Variants in ADGRB3 observed in about 807,000 individuals in gnomAD.
The protein encoded by ADGRB3 is brain-specific angiogenesis inhibitor 3.
ADGRB3 carries 37 observed loss-of-function variants against 193.4 expected under a neutral mutation model. That is an observed-to-expected ratio of 0.19 (90% CI 0.15 to 0.25). ADGRB3 has a LOEUF of 0.25. ADGRB3 is among the 10% of genes least tolerant of loss of function. The probability of loss-of-function intolerance (pLI) is 1.00; values close to 1 mark genes in which losing one functional copy is unlikely to be tolerated. For synonymous variants in ADGRB3, 690 were observed against 644.2 expected, an observed-to-expected ratio of 1.07 and a Z score of -1.08; for missense variants, 1,637 against 1,852.9, an observed-to-expected ratio of 0.88 and a Z score of 2.14.
At chr6:68,858,113 G>A (rs1437670583) in intron 3 of ADGRB3, among the ~76,000 whole-genome samples, 1 of 152,066 alleles carries the variant, frequency 6.6e-6, no homozygotes, top group East Asian at 1.9e-4. Context: ...CCAAGTTTTT[G>A]GTATGTCTTT....
At chr6:69,008,746 G>A (rs181543924) in intron 11 of ADGRB3, among the ~76,000 whole-genome samples, 2 of 152,106 alleles carry the variant, frequency 1.3e-5, no homozygotes, top group African/African-American at 4.8e-5. Context: ...AAGGACCAGG[G>A]TTGAATATCC....
chr6:68,781,395 A>T (rs1022823942), intron 3 of ADGRB3, among the ~76,000 whole-genome samples: 1 of 152,164 alleles, frequency 6.6e-6, no homozygotes, highest in East Asian at 1.9e-4. Context: ...AATTAAAAAT[A>T]TGAAGAACAA....
intron 3 of ADGRB3, among the ~76,000 whole-genome samples, chr6:68,678,521 T>A (rs184354094): frequency 1.7e-4 from 26 of 152,082 alleles, no homozygotes; most frequent in Admixed American, 3.3e-4. Flanking sequence ...TTAGAACATA[T>A]AAAAGACAGG....
intron 13 of ADGRB3, among the ~76,000 whole-genome samples, chr6:69,033,112 C>A (rs963121333): frequency 2.0e-5 from 3 of 151,870 alleles, no homozygotes; most frequent in African/African-American, 7.3e-5. Flanking sequence ...CAAAGAAGAC[C>A]CAGATCTCAG....
At chr6:68,782,149 G>A (rs1243473052) in intron 3 of ADGRB3, among the ~76,000 whole-genome samples, 23 of 124,386 alleles carry the variant, frequency 1.8e-4, no homozygotes, top group Non-Finnish European at 3.0e-4. Context: ...AGTCCCTGGT[G>A]TGTGATGTTC....
chr6:69,122,750 A>G (rs943744689), intron 17 of ADGRB3, among the ~76,000 whole-genome samples: 36 of 152,016 alleles, frequency 2.4e-4, no homozygotes, highest in African/African-American at 7.5e-4. Flanking sequence ...CAGCAAAAAT[A>G]TATATTTTTG....
At chr6:68,716,675 G>A (rs945907613) in intron 3 of ADGRB3, among the ~76,000 whole-genome samples, 3 of 151,546 alleles carry the variant, frequency 2.0e-5, no homozygotes, top group African/African-American at 7.3e-5. Context: ...CTGCAAATAA[G>A]AGCTCTCTCC....
At chr6:69,069,838 A>C (rs1732534743) in intron 16 of ADGRB3, among the ~76,000 whole-genome samples, 1 of 152,110 alleles carries the variant, frequency 6.6e-6, no homozygotes, top group Non-Finnish European at 1.5e-5. Context: ...ATTCTTGAGG[A>C]ATCTCCAAAA....
At chr6:69,180,183 G>C (rs1454842203) in intron 17 of ADGRB3, among the ~76,000 whole-genome samples, 3 of 152,210 alleles carry the variant, frequency 2.0e-5, no homozygotes, top group African/African-American at 7.2e-5. Flanking sequence ...GCTGCTTCAG[G>C]TGCCTGGAGA....
chr6:69,132,379 T>G (rs1266957739), intron 17 of ADGRB3, among the ~76,000 whole-genome samples: 5 of 152,232 alleles, frequency 3.3e-5, no homozygotes, highest in African/African-American at 9.6e-5. Context: ...TGACCAGTGA[T>G]GATGAGCTTT....
At chr6:69,055,286 C>G (rs1771511601) in intron 15 of ADGRB3, among the ~76,000 whole-genome samples, 1 of 152,164 alleles carries the variant, frequency 6.6e-6, no homozygotes, top group Admixed American at 6.5e-5. Context: ...AGCACAACTC[C>G]CCTTTTCCCA....
chr6:68,827,871 C>T (rs1258299588), intron 3 of ADGRB3, among the ~76,000 whole-genome samples: 1 of 152,166 alleles, frequency 6.6e-6, no homozygotes, highest in Non-Finnish European at 1.5e-5. Flanking sequence ...CATCACAGGG[C>T]CTTTGCACAT....
intron 17 of ADGRB3, among the ~76,000 whole-genome samples, chr6:69,224,614 C>A (rs955073355): frequency 1.3e-5 from 2 of 152,044 alleles, no homozygotes; most frequent in Non-Finnish European, 2.9e-5. Context: ...CCTTGGAAAT[C>A]TTTTTTAATC....
chr6:68,897,838 G>T (rs1766280281), intron 3 of ADGRB3, among the ~76,000 whole-genome samples: 1 of 143,834 alleles, frequency 7.0e-6, no homozygotes, highest in Non-Finnish European at 1.5e-5. Context: ...GAGAGAAAAA[G>T]AGAAAGAAAG....
intron 20 of ADGRB3, among the ~76,000 whole-genome samples, chr6:69,308,623 C>A (rs1000363081): frequency 1.3e-5 from 2 of 151,170 alleles, no homozygotes; most frequent in Non-Finnish European, 3.0e-5. Flanking sequence ...TAGGAAAATG[C>A]GAAAGAAGAG....
At chr6:69,310,388 G>T (rs1768165852) in intron 20 of ADGRB3, among the ~76,000 whole-genome samples, 1 of 151,606 alleles carries the variant, frequency 6.6e-6, no homozygotes, top group African/African-American at 2.4e-5. Flanking sequence ...AATTTTTCAT[G>T]CTGTGAAAAT....
chr6:69,127,535 A>G (rs9294821), intron 17 of ADGRB3, among the ~76,000 whole-genome samples: 97,178 of 152,070 alleles, frequency 0.64, 32,282 homozygotes, highest in East Asian at 0.95. Context: ...CTTGGGACAT[A>G]TCATTTGACT....
intron 17 of ADGRB3, among the ~76,000 whole-genome samples, chr6:69,210,824 T>C (rs924946546): frequency 6.6e-6 from 1 of 152,172 alleles, no homozygotes; most frequent in Middle Eastern, 3.4e-3. Flanking sequence ...CAATGAAATA[T>C]AAGCAGAACG....
chr6:68,860,441 G>A (rs2150214270), intron 3 of ADGRB3, among the ~76,000 whole-genome samples: 1 of 152,256 alleles, frequency 6.6e-6, no homozygotes, highest in Middle Eastern at 3.4e-3. Context: ...CTAAGTACAT[G>A]TGTTCTCATT....
Sources: gnomAD v4.1 joint callset for allele counts (sites outside exome capture counted in the v4.1 genomes callset) on GRCh38, gnomAD v4.1.1 for gene constraint, MANE v1.5 for transcripts, NCBI Gene and HGNC (gene_info 2026-07-23, HGNC 2026-07-21) for gene names.